NRXN1: variants seen among roughly 807,000 people sequenced by gnomAD.
The protein encoded by NRXN1 is neurexin 1, also known as neurexin-1.
In NRXN1, 39 loss-of-function variants were observed where a neutral mutation model predicts 150.9. The observed-to-expected ratio is 0.26, with a 90% confidence interval of 0.20 to 0.34. NRXN1 has a LOEUF of 0.34. Ranked by LOEUF, NRXN1 falls within the 10% of genes least tolerant of loss-of-function variation. NRXN1 has a pLI of 1.00. For synonymous variants in NRXN1, 924 were observed against 757.0 expected (o/e 1.22, Z -3.62); for missense variants, 1,815 against 1,949.9 (o/e 0.93, Z 1.30).
chr2:50,541,674 T>C (rs1237105693), intron 9 of NRXN1, among the ~76,000 whole-genome samples: 1 of 151,786 alleles, frequency 6.6e-6, no homozygotes, highest in Non-Finnish European at 1.5e-5. Flanking sequence ...AATATCCCAG[T>C]GCACACTTAA....
At chr2:50,550,667 ATTTTTATTTTTAT>A (rs1667314485) in intron 9 of NRXN1, among the ~76,000 whole-genome samples, 1 of 149,474 alleles carries the variant, frequency 6.7e-6, no homozygotes, top group Admixed American at 6.7e-5. Context: ...TTCTCAGCTT[ATTTTTATTTTTAT>A]TTTTTATTTT....
chr2:50,974,693 C>A (rs1244762822), intron 2 of NRXN1, among the ~76,000 whole-genome samples: 1 of 151,826 alleles, frequency 6.6e-6, no homozygotes, highest in Non-Finnish European at 1.5e-5. Context: ...TTTTTCCCAT[C>A]TAAAATCTAA....
In NRXN1 at chr2:50,796,131, C is replaced by T. The variant is rs1274111427; in HGVS notation, c.832+125738G>A. 2.0e-5 allele frequency among the ~76,000 whole-genome samples: 3 copies of T among 152,036 alleles called. 1 individual carries two copies. Among genetic ancestry groups the T allele is most frequent in the Non-Finnish European group, 2.9e-5 (2 of 68,010 alleles). On this transcript the variant is annotated intron_variant, in intron 5 of 22. Coordinates refer to ENST00000401669, the MANE Select transcript of NRXN1 (RefSeq NM_001330078.2). ...GGAAGAATTATTAAATAGGCTTGGTCTGGTTGCTAGGCTGTCTGCGTGACT... is the reference window on the plus strand; with the variant it reads ...GGAAGAATTATTAAATAGGCTTGGTTTGGTTGCTAGGCTGTCTGCGTGACT...
intron 15 of NRXN1, among the ~76,000 whole-genome samples, chr2:50,483,409 T>A (rs79442740): frequency 6.6e-6 from 1 of 152,174 alleles, no homozygotes; most frequent in East Asian, 1.9e-4. Context: ...CATTTGTTTG[T>A]TTCTTTACTT....
chr2:50,348,010 G>C (rs1429207072), intron 17 of NRXN1, among the ~76,000 whole-genome samples: 1 of 152,130 alleles, frequency 6.6e-6, no homozygotes, highest in Admixed American at 6.5e-5. Flanking sequence ...CCCTCCATCT[G>C]AACTACAATG....
chr2:50,231,180 G>C (rs568908518), intron 18 of NRXN1, among the ~76,000 whole-genome samples: 1 of 152,144 alleles, frequency 6.6e-6, no homozygotes, highest in East Asian at 1.9e-4. Context: ...TAAAATCAGT[G>C]CATCTGTTGA....
chr2:50,591,539 AG>A (rs918816551), intron 8 of NRXN1, among the ~76,000 whole-genome samples: 1 of 152,206 alleles, frequency 6.6e-6, no homozygotes, highest in Admixed American at 6.5e-5. Flanking sequence ...TGTGGGTCCC[AG>A]GAAGTTCTGA....
chr2:50,087,859 T>C (rs1699016721), intron 19 of NRXN1, among the ~76,000 whole-genome samples: 1 of 152,186 alleles, frequency 6.6e-6, no homozygotes. Context: ...CTTTGGTTGC[T>C]TTTCATTAAA....
At chr2:50,512,124 T>A (rs758522166) in intron 12 of NRXN1, among the ~76,000 whole-genome samples, 55 of 152,268 alleles carry the variant, frequency 3.6e-4, no homozygotes, top group Non-Finnish European at 4.4e-4. Context: ...CTATTGTCAT[T>A]CTTAGAAGGA....
At chr2:50,943,059 TG>T (rs1689730856) in intron 2 of NRXN1, among the ~76,000 whole-genome samples, 1 of 152,074 alleles carries the variant, frequency 6.6e-6, no homozygotes, top group African/African-American at 2.4e-5. Flanking sequence ...TTAGGAGATC[TG>T]GTTGTTTGAT....
At chr2:50,650,502 C>A (rs1474868169) in intron 5 of NRXN1, among the ~76,000 whole-genome samples, 1 of 152,034 alleles carries the variant, frequency 6.6e-6, no homozygotes, top group East Asian at 1.9e-4. Context: ...ACCAATAAAC[C>A]TATCGGCAGC....
intron 2 of NRXN1, among the ~76,000 whole-genome samples, chr2:50,971,761 A>T (rs950012160): frequency 1.3e-5 from 2 of 152,120 alleles, no homozygotes; most frequent in South Asian, 2.1e-4. Context: ...CTCTGTAAAC[A>T]TTACACAGTC....
intron 18 of NRXN1, among the ~76,000 whole-genome samples, chr2:50,123,811 G>A (rs1395296089): frequency 6.6e-6 from 1 of 152,154 alleles, no homozygotes; most frequent in African/African-American, 2.4e-5. Context: ...AAAGGCAACA[G>A]GCAGTATGAA....
intron 17 of NRXN1, among the ~76,000 whole-genome samples, chr2:50,394,127 T>C (rs2081913475): frequency 6.6e-6 from 1 of 152,160 alleles, no homozygotes; most frequent in African/African-American, 2.4e-5. Context: ...CCTCCAAATA[T>C]GAGAAGGCTC....
intron 2 of NRXN1, among the ~76,000 whole-genome samples, chr2:51,001,480 T>C (rs748323498): frequency 2.0e-5 from 3 of 152,116 alleles, no homozygotes; most frequent in East Asian, 1.9e-4. Flanking sequence ...CACACATTTA[T>C]TAAAATTGTA....
intron 2 of NRXN1, among the ~76,000 whole-genome samples, chr2:50,992,238 T>C (rs1234635280): frequency 6.6e-6 from 1 of 152,048 alleles, no homozygotes; most frequent in Non-Finnish European, 1.5e-5. Context: ...TTCTCTTTTA[T>C]TCCTTAACTA....
intron 9 of NRXN1, among the ~76,000 whole-genome samples, chr2:50,549,587 C>G (rs1573502309): frequency 1.3e-5 from 2 of 152,144 alleles, no homozygotes; most frequent in East Asian, 3.8e-4. Flanking sequence ...ACAACACTTC[C>G]TTAGAACGTG....
At chr2:50,634,838 G>A (rs567624454) in intron 5 of NRXN1, among the ~76,000 whole-genome samples, 35 of 152,156 alleles carry the variant, frequency 2.3e-4, no homozygotes, top group Admixed American at 9.2e-4. Flanking sequence ...TCTTTCTGTG[G>A]GCTGTACCTG....
chr2:50,343,699 G>T (rs1172269652), intron 17 of NRXN1, among the ~76,000 whole-genome samples: 6 of 152,210 alleles, frequency 3.9e-5, no homozygotes, highest in Admixed American at 3.9e-4. Flanking sequence ...TAGTGCAAAT[G>T]AAGCATGGCA....
Sources: gnomAD v4.1 joint callset for allele counts (sites outside exome capture counted in the v4.1 genomes callset) on GRCh38, gnomAD v4.1.1 for gene constraint, MANE v1.5 for transcripts, NCBI Gene and HGNC (gene_info 2026-07-23, HGNC 2026-07-21) for gene names.